GSG1L: variants seen among roughly 807,000 people sequenced by gnomAD.
GSG1L encodes the protein germ cell-specific gene 1-like protein.
GSG1L carries 24 observed loss-of-function variants against 42.1 expected under a neutral mutation model. The observed-to-expected ratio is 0.57, with a 90% CI of 0.41 to 0.80. GSG1L has a LOEUF of 0.80. GSG1L is among the 30% of genes least tolerant of loss of function. The pLI is 0.00. For synonymous variants in GSG1L, 215 were observed against 203.5 expected (o/e 1.06, Z -0.48); for missense variants, 445 against 472.2 (o/e 0.94, Z 0.53).
At chr16:27,852,149 A>G (rs1473391400) in intron 3 of GSG1L, among the ~76,000 whole-genome samples, 1 of 152,266 alleles carries the variant, frequency 6.6e-6, no homozygotes, top group Non-Finnish European at 1.5e-5. Context: ...GAGAACACGC[A>G]GTGAGCACTC....
intron 4 of GSG1L, among the ~76,000 whole-genome samples, chr16:27,836,003 T>C (rs1262775827): frequency 6.6e-6 from 1 of 152,174 alleles, no homozygotes; most frequent in Non-Finnish European, 1.5e-5. Context: ...GAGCTCCCTT[T>C]AGCCTTTCTT....
chr16:27,850,416 C>G, intron 3 of GSG1L: 1 of 435,412 alleles, frequency 2.3e-6, no homozygotes, highest in Admixed American at 2.5e-5. Context: ...GAACCGGAGA[C>G]TTAAATGCGT....
At chr16:27,915,632 T>C (rs185880359) in intron 2 of GSG1L, among the ~76,000 whole-genome samples, 43 of 152,070 alleles carry the variant, frequency 2.8e-4, no homozygotes, top group African/African-American at 9.6e-4. Flanking sequence ...CTTGAGGAGA[T>C]TGAAAATAAA....
chr16:27,944,363 T>C (rs1227887482), intron 2 of GSG1L, among the ~76,000 whole-genome samples: 1 of 152,138 alleles, frequency 6.6e-6, no homozygotes, highest in South Asian at 2.1e-4. Context: ...GGCTTACTCC[T>C]GTAATCCCAG....
At chr16:27,882,620 C>T (rs911301283) in intron 3 of GSG1L, among the ~76,000 whole-genome samples, 1 of 152,166 alleles carries the variant, frequency 6.6e-6, no homozygotes, top group African/African-American at 2.4e-5. Flanking sequence ...ATGCCCTCCT[C>T]AAGTTGTCCA....
intron 1 of GSG1L, among the ~76,000 whole-genome samples, chr16:27,993,498 C>G (rs2085476514): frequency 6.6e-6 from 1 of 152,116 alleles, no homozygotes; most frequent in South Asian, 2.1e-4. Context: ...TTTATCTGTT[C>G]TATTGCACTC....
Position 27,873,139 on chromosome 16 carries a change from A to G in GSG1L, c.550+11347T>C, listed in dbSNP as rs116979089. On this transcript the variant is annotated intron_variant, in intron 3 of 6. Coordinates refer to ENST00000447459, the MANE Select transcript of GSG1L (RefSeq NM_001109763.2). ...CAGAGGTCATGTCTCAGCACACAGTAGGTGCTCAATAAATGTGAGCTATTG... is the reference window on the plus strand; with the variant it reads ...CAGAGGTCATGTCTCAGCACACAGTGGGTGCTCAATAAATGTGAGCTATTG... Among the ~76,000 whole-genome samples, 1,434 of 152,330 alleles carry G rather than the reference A, an allele frequency of 9.4e-3. 14 individuals carry two copies. The highest frequency in any genetic ancestry group is 0.016 in the Non-Finnish European group (1,095 of 68,022).
intron 1 of GSG1L, among the ~76,000 whole-genome samples, chr16:28,031,221 AGGATG>A (rs74986650): frequency 5.8e-5 from 4 of 69,392 alleles, no homozygotes; most frequent in South Asian, 5.9e-4. Context: ...GAGATGGAAT[AGGATG>A]GGATGGGATG....
chr16:27,800,422 G>A (rs950687708), intron 6 of GSG1L, among the ~76,000 whole-genome samples: 1 of 152,122 alleles, frequency 6.6e-6, no homozygotes, highest in Middle Eastern at 3.2e-3. Flanking sequence ...GATACACCTG[G>A]CAAAATCAAA....
chr16:27,935,114 C>G (rs1201552159), intron 2 of GSG1L, among the ~76,000 whole-genome samples: 1 of 152,170 alleles, frequency 6.6e-6, no homozygotes, highest in East Asian at 1.9e-4. Context: ...GGAGGTTTCT[C>G]CAAGGCGAGG....
intron 1 of GSG1L, among the ~76,000 whole-genome samples, chr16:28,031,811 T>C (rs1387122187): frequency 6.6e-6 from 1 of 152,238 alleles, no homozygotes; most frequent in Non-Finnish European, 1.5e-5. Flanking sequence ...AGATTCACTT[T>C]CTGAATGTGC....
chr16:27,902,538 G>T (rs565261048), intron 2 of GSG1L, among the ~76,000 whole-genome samples: 1 of 151,972 alleles, frequency 6.6e-6, no homozygotes, highest in Non-Finnish European at 1.5e-5. Flanking sequence ...CGGGAGGTTC[G>T]CCCAAGCTTC....
At chr16:27,952,144 G>A (rs1173576097) in intron 2 of GSG1L, among the ~76,000 whole-genome samples, 1 of 152,196 alleles carries the variant, frequency 6.6e-6, no homozygotes, top group Non-Finnish European at 1.5e-5. Flanking sequence ...GCCCAAATGG[G>A]CCACCCACTA....
At chr16:27,994,564 GCA>G (rs531467642) in intron 1 of GSG1L, among the ~76,000 whole-genome samples, 2 of 152,002 alleles carry the variant, frequency 1.3e-5, no homozygotes, top group East Asian at 3.8e-4. Context: ...GTGCACACAT[GCA>G]CACACACACG....
chr16:28,043,071 G>A (rs1567567128), intron 1 of GSG1L, among the ~76,000 whole-genome samples: 1 of 152,214 alleles, frequency 6.6e-6, no homozygotes, highest in Non-Finnish European at 1.5e-5. Context: ...TGCCAAAGAC[G>A]AGGTATTTTG....
At chr16:27,993,831 G>A (rs1463302588) in intron 1 of GSG1L, among the ~76,000 whole-genome samples, 1 of 152,182 alleles carries the variant, frequency 6.6e-6, no homozygotes, top group Non-Finnish European at 1.5e-5. Context: ...GGAAAATTCT[G>A]TCCCCTGACA....
intron 2 of GSG1L, among the ~76,000 whole-genome samples, chr16:27,915,584 G>A (rs1262857103): frequency 6.6e-6 from 1 of 152,158 alleles, no homozygotes; most frequent in Admixed American, 6.5e-5. Flanking sequence ...TCAAGGTGCT[G>A]GGGACATAGC....
intron 1 of GSG1L, among the ~76,000 whole-genome samples, chr16:27,973,591 A>G (rs755901240): frequency 5.3e-5 from 8 of 152,106 alleles, no homozygotes; most frequent in Non-Finnish European, 7.4e-5. Flanking sequence ...TGCAGGTACC[A>G]TCACAGACTA....
chr16:27,979,692 A>AAAGAAAGAG (rs2085297750), intron 1 of GSG1L, among the ~76,000 whole-genome samples: 1 of 40,304 alleles, frequency 2.5e-5, no homozygotes, highest in Non-Finnish European at 5.3e-5. Flanking sequence ...AGAAAGAAGG[A>AAAGAAAGAG]AGGAAGGAAG....
Sources: gnomAD v4.1 joint callset for allele counts (sites outside exome capture counted in the v4.1 genomes callset) on GRCh38, gnomAD v4.1.1 for gene constraint, MANE v1.5 for transcripts, NCBI Gene and HGNC (gene_info 2026-07-23, HGNC 2026-07-21) for gene names.